IKZF3: variants seen among roughly 807,000 people sequenced by gnomAD.
The protein encoded by IKZF3 is IKAROS family zinc finger 3.
Under a neutral mutation model 49.0 loss-of-function variants are expected in IKZF3, and 10 were observed. The ratio of observed to expected loss-of-function variants is 0.20; its 90% CI spans 0.13 to 0.35. The LOEUF (loss-of-function observed/expected upper bound fraction) is 0.35, where lower values mean the gene tolerates loss of function less well. Among genes scored for constraint, IKZF3 ranks in the 10% least tolerant of loss-of-function variants. IKZF3 has a pLI of 1.00. For missense variants in IKZF3, 498 were observed against 664.8 expected (o/e 0.75, Z 2.76); for synonymous variants, 209 against 228.2 (o/e 0.92, Z 0.76).
rs1567944278 is a variant in IKZF3, at chr17:39,761,581, A to ATATATATATAC, written c.*4208_*4209insGTATATATATA. ...ATACATACATATATATACATATACA[A>ATATATATATAC]AAAAAATAAAAATAAATTAAAAAAT... On this transcript the variant is annotated 3_prime_UTR_variant, in exon 8 of 8. Transcript: ENST00000346872. The ATATATATATAC allele has an allele frequency of 2.0e-5, 3 of 146,948 alleles. No homozygotes were observed. The highest frequency in any genetic ancestry group is 6.7e-5 in the Admixed American group (1 of 15,026). 9.1% of individuals were successfully genotyped at this position (146,948 alleles called of 1,614,324 possible). A position where few individuals can be genotyped will look rare whatever the true frequency, so the allele number is the denominator to read the frequency against.
chr17:39,810,573 T>A (rs1253811613), intron 3 of IKZF3, among the ~76,000 whole-genome samples: 2 of 151,098 alleles, frequency 1.3e-5, no homozygotes, highest in East Asian at 3.9e-4. Context: ...TACTCTTGTA[T>A]GCTTGAGTCA....
chr17:39,800,399 T>C (rs1202090245), intron 3 of IKZF3, among the ~76,000 whole-genome samples: 1 of 152,142 alleles, frequency 6.6e-6, no homozygotes, highest in Non-Finnish European at 1.5e-5. Flanking sequence ...ATCTATTTTA[T>C]AATAAAAAAA....
chr17:39,864,269 G>A lies in IKZF3; in HGVS notation c.-143C>T. ...GGGATCCGGCAGCCGCGTCGGCGCA[G>A]ACTGAAAAGGGCAGGAGCCGGCGAC... On this transcript the variant is annotated 5_prime_UTR_variant, in exon 1 of 8. Coordinates refer to ENST00000346872, the MANE Select transcript of IKZF3 (RefSeq NM_012481.5). 3 of 931,230 alleles carry A rather than the reference G, an allele frequency of 3.2e-6. No individual in the cohort carries two copies. The highest frequency in any genetic ancestry group is 4.8e-6 in the Non-Finnish European group (3 of 624,174). 57.7% of individuals were successfully genotyped at this position (931,230 alleles called of 1,614,324 possible). A position where few individuals can be genotyped will look rare whatever the true frequency, so the allele number is the denominator to read the frequency against.
At chr17:39,810,507 C>A (rs2061525366) in intron 3 of IKZF3, among the ~76,000 whole-genome samples, 1 of 151,388 alleles carries the variant, frequency 6.6e-6, no homozygotes, top group South Asian at 2.1e-4. Context: ...CAGGAAATTT[C>A]TCTTTGAACT....
chr17:39,771,827 C>A (rs1194436527), intron 7 of IKZF3, among the ~76,000 whole-genome samples: 2 of 152,092 alleles, frequency 1.3e-5, no homozygotes, highest in Admixed American at 6.5e-5. Context: ...GCAGCCTCAA[C>A]CTCCTGGGCT....
chr17:39,775,178 T>C (rs1207819776), intron 7 of IKZF3, among the ~76,000 whole-genome samples: 1 of 151,828 alleles, frequency 6.6e-6, no homozygotes, highest in Admixed American at 6.6e-5. Context: ...CCAGTACTCT[T>C]CTTATTGCAC....
chr17:39,851,363 T>C (rs917268881), intron 1 of IKZF3, among the ~76,000 whole-genome samples: 6 of 151,586 alleles, frequency 4.0e-5, no homozygotes, highest in Admixed American at 2.0e-4. Context: ...TGAATACATA[T>C]AGGCCCACCA....
At chr17:39,770,633 A>C (rs1363192900) in intron 7 of IKZF3, among the ~76,000 whole-genome samples, 1 of 151,912 alleles carries the variant, frequency 6.6e-6, no homozygotes, top group African/African-American at 2.4e-5. Flanking sequence ...GGGAAGACCC[A>C]CCACCCTAAT....
intron 3 of IKZF3, among the ~76,000 whole-genome samples, chr17:39,807,401 C>CTT (rs1257023793): frequency 1.1e-4 from 15 of 136,200 alleles, no homozygotes; most frequent in Admixed American, 2.2e-4. Flanking sequence ...CAATGATATT[C>CTT]TTTTTTTTTT....
chr17:39,817,247 T>A (rs897173988), intron 3 of IKZF3, among the ~76,000 whole-genome samples: 1 of 152,210 alleles, frequency 6.6e-6, no homozygotes, highest in African/African-American at 2.4e-5. Flanking sequence ...TTAAACATGA[T>A]TGCAATTATT....
intron 6 of IKZF3, among the ~76,000 whole-genome samples, chr17:39,787,111 T>C (rs975132382): frequency 1.3e-5 from 2 of 152,196 alleles, no homozygotes; most frequent in Non-Finnish European, 2.9e-5. Context: ...TGTCAAACAC[T>C]AAATCCCATG....
chr17:39,777,924 G>T (rs911365062), intron 6 of IKZF3, 157 bp from the exon 7 acceptor site: 3 of 1,362,606 alleles, frequency 2.2e-6, no homozygotes, highest in Non-Finnish European at 2.8e-6. Flanking sequence ...GGTACCTGCT[G>T]TGGTCAGTGA....
At chr17:39,854,157 A>G (rs2062969836) in intron 1 of IKZF3, among the ~76,000 whole-genome samples, 1 of 152,154 alleles carries the variant, frequency 6.6e-6, no homozygotes, top group African/African-American at 2.4e-5. Flanking sequence ...ATTGTAATAT[A>G]AAGGTGAAAT....
At chr17:39,779,136 A>G (rs537006559) in intron 6 of IKZF3, among the ~76,000 whole-genome samples, 1 of 152,350 alleles carries the variant, frequency 6.6e-6, no homozygotes, top group South Asian at 2.1e-4. Flanking sequence ...ATTTACCTCA[A>G]TTCAGCAGGC....
chr17:39,773,152 C>T (rs2060487201), intron 7 of IKZF3, among the ~76,000 whole-genome samples: 1 of 152,182 alleles, frequency 6.6e-6, no homozygotes, highest in South Asian at 2.1e-4. Context: ...TCCTTGCTGT[C>T]CAAAGCCCCG....
chr17:39,846,002 G>A (rs936365612), intron 1 of IKZF3, among the ~76,000 whole-genome samples: 2 of 152,098 alleles, frequency 1.3e-5, no homozygotes, highest in African/African-American at 4.8e-5. Context: ...GGATTTTTGG[G>A]TATCATTAGA....
intron 1 of IKZF3, among the ~76,000 whole-genome samples, chr17:39,836,983 G>A (rs1464024885): frequency 2.6e-5 from 4 of 151,886 alleles, no homozygotes; most frequent in Non-Finnish European, 5.9e-5. Flanking sequence ...CCAGGCTGGA[G>A]TGCAGTGGCA....
chr17:39,765,904 G>C lies in IKZF3; in HGVS notation c.1416C>G (p.Gly472=). 6.2e-7 allele frequency: 1 copy of C among 1,614,262 alleles called. No homozygotes were observed. Among genetic ancestry groups the C allele is most frequent in the South Asian group, 1.1e-5 (1 of 91,090 alleles). The change falls in exon 8 of 8, where the codon GGC becomes GGG. Residue 472 remains glycine, a synonymous_variant. Coordinates refer to ENST00000346872, the MANE Select transcript of IKZF3 (RefSeq NM_012481.5). ...LDYVMFTIHM[G]CHGFRDPFEC... is the part of the protein sequence containing the mutation. ...CGAAAGGGTCACGGAAGCCGTGGCA[G>C]CCCATGTGAATCGTGAACATCACAT...
intron 3 of IKZF3, among the ~76,000 whole-genome samples, chr17:39,798,411 A>C (rs761313508): frequency 2.0e-5 from 3 of 152,142 alleles, no homozygotes; most frequent in Non-Finnish European, 4.4e-5. Context: ...GACTAGTTAG[A>C]TCTTTAACTA....
Sources: gnomAD v4.1 joint callset for allele counts (sites outside exome capture counted in the v4.1 genomes callset) on GRCh38, gnomAD v4.1.1 for gene constraint, MANE v1.5 for transcripts, NCBI Gene and HGNC (gene_info 2026-07-23, HGNC 2026-07-21) for gene names.